Variants in LRRIQ1 observed in about 807,000 individuals in gnomAD.
LRRIQ1 encodes leucine rich repeats and IQ motif containing 1.
Under a neutral mutation model 211.9 loss-of-function variants are expected in LRRIQ1, and 210 were observed. That is an observed-to-expected ratio of 0.99 (90% CI 0.89 to 1.11). The LOEUF (loss-of-function observed/expected upper bound fraction) is 1.11. Among genes scored for constraint, LRRIQ1 ranks in the 50% most tolerant of loss-of-function variants. The probability of loss-of-function intolerance (pLI) is 0.00; values close to 1 mark genes in which losing one functional copy is unlikely to be tolerated. For synonymous variants in LRRIQ1, 699 were observed against 650.1 expected (o/e 1.08, Z -1.14); for missense variants, 2,136 against 1,939.5 (o/e 1.10, Z -1.90).
chr12:85,154,939 T>C (rs1890462230), intron 23 of LRRIQ1, among the ~76,000 whole-genome samples: 1 of 151,180 alleles, frequency 6.6e-6, no homozygotes, highest in Admixed American at 6.6e-5. Flanking sequence ...TATGAAAAAA[T>C]ATTTCATAAA....
At chr12:85,215,547 G>C (rs193097663) in intron 24 of LRRIQ1, among the ~76,000 whole-genome samples, 4 of 152,070 alleles carry the variant, frequency 2.6e-5, no homozygotes, top group Admixed American at 2.6e-4. Context: ...GTTCCTCTCT[G>C]TGTGTCCATG....
intron 24 of LRRIQ1, among the ~76,000 whole-genome samples, chr12:85,216,965 AAAC>A (rs1466135879): frequency 2.6e-5 from 4 of 152,162 alleles, no homozygotes; most frequent in Admixed American, 6.5e-5. Context: ...TGCTTATGGA[AAAC>A]AACAACTTTA....
rs914716016 is a variant in LRRIQ1, at chr12:85,175,770, C to A, written c.4822+15056C>A. Reference sequence around the variant, plus strand: ...CCATTTATTAAATAGGGAATCCTTTCCCCATTGCTTGTTTTTGTTAGGTTT... The same window carrying A: ...CCATTTATTAAATAGGGAATCCTTTACCCATTGCTTGTTTTTGTTAGGTTT... On this transcript the variant is annotated intron_variant, in intron 24 of 26. Coordinates refer to ENST00000393217, the MANE Select transcript of LRRIQ1 (RefSeq NM_001079910.2). 3.9e-5 allele frequency among the ~76,000 whole-genome samples: 6 copies of A among 152,228 alleles called. No individual in the cohort carries two copies. The South Asian group carries it at 1.2e-3, about 32-fold the overall frequency.
At chr12:85,083,728 G>A (rs962246763) in intron 11 of LRRIQ1, among the ~76,000 whole-genome samples, 56 of 152,100 alleles carry the variant, frequency 3.7e-4, no homozygotes, top group African/African-American at 1.3e-3. Flanking sequence ...ATCAGCCACC[G>A]CACCCGGCCT....
chr12:85,175,428 T>C (rs1472526927), intron 24 of LRRIQ1, among the ~76,000 whole-genome samples: 1 of 152,004 alleles, frequency 6.6e-6, no homozygotes, highest in African/African-American at 2.4e-5. Context: ...TACTAAAGAG[T>C]ATTCTTCGGG....
chr12:85,066,889 A>G lies in LRRIQ1; in HGVS notation c.2686A>G (p.Thr896Ala). ...QCLELSYNKI[T>A]RIGYSFFLEE... ...TCTTGAACTTTCATATAATAAAATTACTCGAATTGGTAAGAACAATGAAAT... is the reference window on the plus strand; with the variant it reads ...TCTTGAACTTTCATATAATAAAATTGCTCGAATTGGTAAGAACAATGAAAT... Residue 896 changes from threonine (T) to alanine (A), a missense_variant, in exon 10 of 27, where the codon ACT becomes GCT. Physicochemically the swap from Thr to Ala is moderately conservative, Grantham distance 58. Coordinates refer to ENST00000393217, the MANE Select transcript of LRRIQ1 (RefSeq NM_001079910.2). 1 of 1,497,358 alleles carries G rather than the reference A, an allele frequency of 6.7e-7. No homozygotes were observed. 92.8% of individuals were successfully genotyped at this position (1,497,358 alleles called of 1,614,324 possible). A position where few individuals can be genotyped will look rare whatever the true frequency, so the allele number is the denominator to read the frequency against.
intron 26 of LRRIQ1, among the ~76,000 whole-genome samples, chr12:85,241,710 G>T (rs1446192994): frequency 6.6e-6 from 1 of 151,828 alleles, no homozygotes; most frequent in South Asian, 2.1e-4. Context: ...TATAAAACTC[G>T]CTTTCTCCCT....
At chr12:85,081,723 C>CTTTTTTTTT (rs766961193) in intron 11 of LRRIQ1, among the ~76,000 whole-genome samples, 131 of 113,394 alleles carry the variant, frequency 1.2e-3, no homozygotes, top group East Asian at 2.3e-3. Context: ...TCTTCTTCTT[C>CTTTTTTTTT]TTTTTTTTTT....
chr12:85,229,781 A>G, intron 25 of LRRIQ1, 132 bp downstream of exon 25: 1 of 792,334 alleles, frequency 1.3e-6, no homozygotes, highest in South Asian at 1.8e-5. Flanking sequence ...CGGGTAATAC[A>G]AAGGCCTTTC....
intron 24 of LRRIQ1, among the ~76,000 whole-genome samples, chr12:85,201,045 G>T (rs1270388995): frequency 1.3e-5 from 2 of 151,610 alleles, no homozygotes; most frequent in Non-Finnish European, 2.9e-5. Flanking sequence ...TGGCCAGGCT[G>T]GTCTTGAACT....
intron 11 of LRRIQ1, 122 bp from the exon 12 acceptor site, chr12:85,098,233 C>T (rs1886061758): frequency 1.6e-6 from 1 of 623,500 alleles, no homozygotes; most frequent in East Asian, 3.0e-5. Context: ...ACTAAGTCCT[C>T]ACTTGTAATT....
At chr12:85,155,916 A>G (rs2136692209) in intron 23 of LRRIQ1, among the ~76,000 whole-genome samples, 1 of 151,680 alleles carries the variant, frequency 6.6e-6, no homozygotes, top group Middle Eastern at 3.4e-3. Flanking sequence ...GTACATAAAA[A>G]TCATTGCTTT....
intron 14 of LRRIQ1, among the ~76,000 whole-genome samples, chr12:85,105,214 T>G (rs1274561562): frequency 1.3e-5 from 2 of 152,130 alleles, no homozygotes; most frequent in Non-Finnish European, 2.9e-5. Context: ...TGAGTAGATA[T>G]TTTTAATTTT....
chr12:85,198,225 G>A (rs546028152), intron 24 of LRRIQ1, among the ~76,000 whole-genome samples: 19 of 138,724 alleles, frequency 1.4e-4, no homozygotes, highest in African/African-American at 4.0e-4. Context: ...TGGGCATTTA[G>A]GTTGGTTCCA....
intron 24 of LRRIQ1, among the ~76,000 whole-genome samples, chr12:85,169,383 AT>A (rs201056586): frequency 6.6e-6 from 1 of 152,030 alleles, no homozygotes. Context: ...CTATGTTTTG[AT>A]TTTTTTAATG....
intron 11 of LRRIQ1, among the ~76,000 whole-genome samples, chr12:85,096,873 T>C (rs1295960866): frequency 6.6e-6 from 1 of 152,192 alleles, no homozygotes; most frequent in Non-Finnish European, 1.5e-5. Context: ...AGGGTAATTA[T>C]GTCATCTTGT....
chr12:85,184,622 C>T (rs1592936326), intron 24 of LRRIQ1, among the ~76,000 whole-genome samples: 1 of 151,970 alleles, frequency 6.6e-6, no homozygotes, highest in Middle Eastern at 3.4e-3. Context: ...TGTTAAAATG[C>T]CTTTGGCGAT....
chr12:85,113,866 A>C (rs1427080285), intron 15 of LRRIQ1, among the ~76,000 whole-genome samples: 3 of 151,512 alleles, frequency 2.0e-5, no homozygotes. Context: ...GTTGATGTCA[A>C]ATCATAAGGG....
intron 24 of LRRIQ1, among the ~76,000 whole-genome samples, chr12:85,192,154 C>A (rs536196326): frequency 6.6e-6 from 1 of 151,200 alleles, no homozygotes. Context: ...CCTTATCCAT[C>A]TCCTGTCCTT....
Sources: gnomAD v4.1 joint callset for allele counts (sites outside exome capture counted in the v4.1 genomes callset) on GRCh38, gnomAD v4.1.1 for gene constraint, MANE v1.5 for transcripts, NCBI Gene and HGNC (gene_info 2026-07-23, HGNC 2026-07-21) for gene names.